The following TRAPPC8 variants were observed in gnomAD, a reference collection of about 807,000 sequenced individuals.
The protein encoded by TRAPPC8 is trafficking protein particle complex subunit 8, also known as general sporulation gene 1 homolog.
TRAPPC8 carries 54 observed loss-of-function variants against 174.3 expected under a neutral mutation model. The ratio of observed to expected loss-of-function variants is 0.31; its 90% CI spans 0.25 to 0.39. The LOEUF (loss-of-function observed/expected upper bound fraction) is 0.39, where lower values mean the gene tolerates loss of function less well. TRAPPC8 is among the 10% of genes least tolerant of loss of function. The pLI, the probability that TRAPPC8 is intolerant of heterozygous loss-of-function variation, is 1.00. For missense variants in TRAPPC8, 1,531 were observed against 1,699.1 expected (o/e 0.90, Z 1.74); for synonymous variants, 630 against 579.9 (o/e 1.09, Z -1.24).
Position 31,870,500 on chromosome 18 carries a change from G to T in TRAPPC8, c.2260C>A (p.Pro754Thr). The change falls in exon 16 of 29, where the codon CCA (proline) becomes ACA (threonine). Residue 754 changes from proline to threonine, a missense_variant and splice_region_variant. Physicochemically the swap from Pro to Thr is conservative, Grantham distance 38 (BLOSUM62 -1). Coordinates refer to ENST00000283351, the MANE Select transcript of TRAPPC8 (RefSeq NM_014939.5). ...SRFPLAVVEE[P>T]ITVEVAFRNP... ...CTAAAAGCCACTTCCACTGTAATTG[G>T]TTCTATTAAAAAAAAGGCCTAAATT... 1.3e-6 allele frequency: 2 copies of T among 1,596,978 alleles called. No homozygotes were observed. The highest frequency in any genetic ancestry group is 1.7e-6 in the Non-Finnish European group (2 of 1,174,136).
Position 31,916,374 on chromosome 18 carries a change from C to A in TRAPPC8, c.515G>T (p.Arg172Leu). The A allele has an allele frequency of 6.2e-7, 1 of 1,613,812 alleles. No individual in the cohort carries two copies. The highest frequency in any genetic ancestry group is 1.3e-5 in the African/African-American group (1 of 75,020). The change falls in exon 4 of 29, where the codon CGA becomes CTA. Residue 172 changes from arginine to leucine, a missense_variant. Coordinates refer to ENST00000283351, the MANE Select transcript of TRAPPC8 (RefSeq NM_014939.5). ...QFSKLSQEQH[R>L]IQHNSDYSYP... The stretch of plus-strand genomic sequence containing the variant: ...GGAATAATCACTGTTGTGCTGAATT[C>A]GATGCTGTTCTTGTGACAACTTTGA...
In TRAPPC8 at chr18:31,873,471, G is replaced by A. The variant is rs2034989772; in HGVS notation, c.2021C>T (p.Ala674Val). ...QLPLPYINSS[A>V]TRVFFGHDRR... The stretch of plus-strand genomic sequence containing the variant: ...GTCATGGCCAAAAAAAACCCGTGTT[G>A]CTGAACTGTTAATATACGGTAAAGG... The change falls in exon 14 of 29, where the codon GCA (alanine) becomes GTA (valine). Residue 674 changes from alanine to valine, a missense_variant. Ala to Val is a moderately conservative substitution (Grantham distance 64). Coordinates refer to ENST00000283351, the MANE Select transcript of TRAPPC8 (RefSeq NM_014939.5). The A allele has an allele frequency of 1.9e-6, 3 of 1,613,782 alleles. No individual in the cohort carries two copies. The highest frequency in any genetic ancestry group is 2.5e-6 in the Non-Finnish European group (3 of 1,179,834).
chr18:31,852,072 ACT>A (rs2033734976), intron 24 of TRAPPC8, among the ~76,000 whole-genome samples: 1 of 152,058 alleles, frequency 6.6e-6, no homozygotes, highest in Non-Finnish European at 1.5e-5. Flanking sequence ...GGGTGCAGTG[ACT>A]CACACCTGTA....
Position 31,901,028 on chromosome 18 carries a change from A to G in TRAPPC8, c.1390-3T>C, listed in dbSNP as rs751009545. Reference sequence around the variant, plus strand: ...AAAGCAGACACTGCTGCCATTTCCTAAAATAAAAGACATAGTTTACATATT... The same window carrying G: ...AAAGCAGACACTGCTGCCATTTCCTGAAATAAAAGACATAGTTTACATATT... On this transcript the variant is annotated splice_region_variant and splice_polypyrimidine_tract_variant and intron_variant, in intron 9 of 28. Coordinates refer to ENST00000283351, the MANE Select transcript of TRAPPC8 (RefSeq NM_014939.5). 4 of 1,582,308 alleles carry G rather than the reference A, an allele frequency of 2.5e-6. No individual in the cohort carries two copies. In the African/African-American group the frequency reaches 5.5e-5, roughly 22 times the overall value.
intron 27 of TRAPPC8, among the ~76,000 whole-genome samples, chr18:31,834,873 C>T (rs934549741): frequency 6.6e-6 from 1 of 152,118 alleles, no homozygotes; most frequent in Admixed American, 6.6e-5. Flanking sequence ...TTTTCTGAAA[C>T]CCCCATTAAA....
At chr18:31,890,064 T>A (rs1458936092) in intron 12 of TRAPPC8, among the ~76,000 whole-genome samples, 1 of 152,220 alleles carries the variant, frequency 6.6e-6, no homozygotes, top group Non-Finnish European at 1.5e-5. Context: ...GTTGACTTTA[T>A]GGGTGAATGT....
intron 16 of TRAPPC8, among the ~76,000 whole-genome samples, chr18:31,868,822 C>A (rs2034707454): frequency 6.6e-6 from 1 of 152,060 alleles, no homozygotes; most frequent in African/African-American, 2.4e-5. Context: ...CCCACCTCAG[C>A]CTCCCAGGTA....
chr18:31,921,789 G>GT (rs2145573656), intron 2 of TRAPPC8, among the ~76,000 whole-genome samples: 1 of 152,136 alleles, frequency 6.6e-6, no homozygotes, highest in South Asian at 2.1e-4. Context: ...CGATTTTCTT[G>GT]TATCTGGGTT....
intron 12 of TRAPPC8, among the ~76,000 whole-genome samples, chr18:31,879,711 G>A (rs1239758200): frequency 6.6e-6 from 1 of 151,770 alleles, no homozygotes; most frequent in Non-Finnish European, 1.5e-5. Context: ...AAATTGATGA[G>A]ACTACTAGGC....
At chr18:31,905,196 CAT>C (rs1316165816) in intron 9 of TRAPPC8, among the ~76,000 whole-genome samples, 4 of 152,104 alleles carry the variant, frequency 2.6e-5, no homozygotes, top group African/African-American at 9.7e-5. Flanking sequence ...AATTAGTTAA[CAT>C]GTGAATGGTA....
intron 16 of TRAPPC8, 29 bp from the exon 17 acceptor site, chr18:31,867,505 T>A: frequency 1.4e-6 from 2 of 1,416,136 alleles, no homozygotes; most frequent in Non-Finnish European, 2.0e-6. Flanking sequence ...AAATTATACA[T>A]TCCAATGAAC....
At chr18:31,919,002 A>G (rs1200370723) in intron 2 of TRAPPC8, among the ~76,000 whole-genome samples, 1 of 152,178 alleles carries the variant, frequency 6.6e-6, no homozygotes, top group Non-Finnish European at 1.5e-5. Flanking sequence ...CTTTCTGCTT[A>G]TATTATAATA....
In TRAPPC8 at chr18:31,885,645, G is replaced by C. The variant is rs376392624; in HGVS notation, c.1728+5090C>G. 1.2e-4 allele frequency among the ~76,000 whole-genome samples: 18 copies of C among 151,994 alleles called. No homozygotes were observed. In the East Asian group the frequency reaches 2.9e-3, roughly 25 times the overall value. ...AAGCCGAGGTGGGCAGATCACCTGAGGTCAGGAGTTCGAGACCAACCTGAC... is the reference window on the plus strand; with the variant it reads ...AAGCCGAGGTGGGCAGATCACCTGACGTCAGGAGTTCGAGACCAACCTGAC... On this transcript the variant is annotated intron_variant, in intron 12 of 28. Coordinates refer to ENST00000283351, the MANE Select transcript of TRAPPC8 (RefSeq NM_014939.5).
intron 5 of TRAPPC8, among the ~76,000 whole-genome samples, chr18:31,910,259 G>C (rs1190019197): frequency 6.6e-6 from 1 of 152,056 alleles, no homozygotes; most frequent in Non-Finnish European, 1.5e-5. Context: ...TTTGTGCAAA[G>C]GAACTGGTTT....
chr18:31,925,091 A>G (rs774613477), intron 2 of TRAPPC8, among the ~76,000 whole-genome samples: 9 of 152,172 alleles, frequency 5.9e-5, no homozygotes, highest in Non-Finnish European at 1.3e-4. Context: ...ACCACCCAAT[A>G]AAGAAGTCTA....
Position 31,942,873 on chromosome 18 carries a change from G to A in TRAPPC8, c.-109C>T. On this transcript the variant is annotated 5_prime_UTR_variant, in exon 1 of 29. Transcript: ENST00000283351. ...CCCGCCGGCCTGGCCCGGCCGGGCG[G>A]GGCCCCGAACGCACTGGAGCCTAGA... 1 of 1,256,130 alleles carries A rather than the reference G, an allele frequency of 8.0e-7. No individual in the cohort carries two copies. Among genetic ancestry groups the A allele is most frequent in the Non-Finnish European group, 1.0e-6 (1 of 1,000,186 alleles). The allele number at this position is 1,256,130 out of a possible 1,614,324, so 77.8% of individuals were successfully genotyped here.
chr18:31,909,011 C>T lies in TRAPPC8; in HGVS notation c.866-1G>A, dbSNP rs921250288. 5.0e-6 allele frequency: 8 copies of T among 1,595,364 alleles called. No homozygotes were observed. The East Asian group carries it at 1.8e-4, about 36-fold the overall frequency. On this transcript the variant is annotated splice_acceptor_variant, in intron 6 of 28. Coordinates refer to ENST00000283351, the MANE Select transcript of TRAPPC8 (RefSeq NM_014939.5). LOFTEE classifies it high-confidence loss of function. ...GCTCTAAAGTTATTTGGTAAGCCAT[C>T]TACTGAAAAAGAGATTATTTCTTTT...
chr18:31,936,901 TTAA>T (rs1239455352), intron 1 of TRAPPC8, among the ~76,000 whole-genome samples: 2 of 72,730 alleles, frequency 2.7e-5, no homozygotes, highest in African/African-American at 1.2e-4. Flanking sequence ...GACTCCGTCT[TTAA>T]AAAAAAAAAA....
At chr18:31,938,226 C>T (rs1258524518) in intron 1 of TRAPPC8, among the ~76,000 whole-genome samples, 1 of 151,978 alleles carries the variant, frequency 6.6e-6, no homozygotes, top group African/African-American at 2.4e-5. Flanking sequence ...TACCACGACT[C>T]TTTGAAACAT....
Sources: gnomAD v4.1 joint callset for allele counts (sites outside exome capture counted in the v4.1 genomes callset) on GRCh38, gnomAD v4.1.1 for gene constraint, MANE v1.5 for transcripts, NCBI Gene and HGNC (gene_info 2026-07-23, HGNC 2026-07-21) for gene names.